Variants in CTNND1 observed in about 807,000 individuals in gnomAD.
CTNND1 encodes the protein catenin delta-1.
A neutral mutation model predicts 112.1 loss-of-function variants in CTNND1; 16 were observed. The ratio of observed to expected loss-of-function variants is 0.14; its 90% CI spans 0.10 to 0.22. The LOEUF (loss-of-function observed/expected upper bound fraction) is 0.22, where lower values mean the gene tolerates loss of function less well. Ranked by LOEUF, CTNND1 falls within the 10% of genes least tolerant of loss-of-function variation. The pLI is 1.00. For synonymous variants in CTNND1, 420 were observed against 446.5 expected, an observed-to-expected ratio of 0.94 and a Z score of 0.75; for missense variants, 1,008 against 1,257.0, an observed-to-expected ratio of 0.80 and a Z score of 3.00.
At position 57,801,964 on chromosome 11, in the gene CTNND1, C is replaced by T. The variant is rs780038688; in HGVS notation, c.1188C>T (p.Arg396=). The T allele has an allele frequency of 5.0e-6, 8 of 1,613,912 alleles. No individual in the cohort carries two copies. The highest frequency in any genetic ancestry group is 6.8e-6 in the Non-Finnish European group (8 of 1,179,920). ...AAAYLQHLCY[R]NDKVKTDVRK... The stretch of plus-strand genomic sequence containing the variant: ...CATACCTGCAACACTTATGCTACCG[C>T]AATGACAAGGTGAAGACTGACGTGC... The change falls in exon 7 of 21, where the codon CGC becomes CGT. Residue 396 remains arginine (R), a synonymous_variant. Coordinates refer to ENST00000399050, the MANE Select transcript of CTNND1 (RefSeq NM_001085458.2).
intron 1 of CTNND1, 32 bp downstream of exon 1, chr11:57,762,151 C>A: frequency 1.1e-6 from 1 of 934,400 alleles, no homozygotes; most frequent in Non-Finnish European, 1.3e-6. Flanking sequence ...ACGGGAGAGT[C>A]TGTTATGCTG....
At chr11:57,772,798 C>T (rs920610293) in intron 1 of CTNND1, among the ~76,000 whole-genome samples, 1 of 151,856 alleles carries the variant, frequency 6.6e-6, no homozygotes, top group African/African-American at 2.4e-5. Flanking sequence ...GTCTCGTTCT[C>T]TCTCTCTCTC....
At chr11:57,765,628 G>C (rs1175019174) in intron 1 of CTNND1, among the ~76,000 whole-genome samples, 14 of 151,642 alleles carry the variant, frequency 9.2e-5, no homozygotes, top group Admixed American at 9.2e-4. Context: ...CACTATGCTT[G>C]GCTAATTTTT....
intron 1 of CTNND1, among the ~76,000 whole-genome samples, chr11:57,778,288 CAG>C (rs779890240): frequency 1.3e-5 from 2 of 152,096 alleles, no homozygotes; most frequent in African/African-American, 2.4e-5. Flanking sequence ...AGGCTGAAAA[CAG>C]AGGTGGATGA....
intron 1 of CTNND1, among the ~76,000 whole-genome samples, chr11:57,764,849 G>A (rs1432972888): frequency 6.6e-6 from 1 of 152,172 alleles, no homozygotes; most frequent in African/African-American, 2.4e-5. Flanking sequence ...AGAGGCAGGA[G>A]TGTTTCATCT....
intron 6 of CTNND1, among the ~76,000 whole-genome samples, chr11:57,799,160 A>G (rs1394508131): frequency 1.3e-5 from 2 of 152,200 alleles, no homozygotes; most frequent in Non-Finnish European, 2.9e-5. Flanking sequence ...GGTGTCTTGG[A>G]TAGCTAATCC....
chr11:57,762,093 A>C lies in CTNND1; in HGVS notation c.-240A>C, dbSNP rs1427644860. 11 of 985,448 alleles carry C rather than the reference A, an allele frequency of 1.1e-5. No homozygotes were observed. The East Asian group carries it at 9.1e-4, about 81-fold the overall frequency. 61.0% of individuals were successfully genotyped at this position (985,448 alleles called of 1,614,324 possible). ...TGTATGTACTGACGGGAAAAGGAGG[A>C]TAAGCAAGTCGAATTTTTGTCTTAC... On this transcript the variant is annotated 5_prime_UTR_variant, in exon 1 of 21. Coordinates refer to ENST00000399050, the MANE Select transcript of CTNND1 (RefSeq NM_001085458.2).
At position 57,805,840 on chromosome 11, in the gene CTNND1, A is replaced by G. The variant is rs766311506; in HGVS notation, c.1723-42A>G. Reference sequence around the variant, plus strand: ...AACCTGTACTTGTGGAGAAATCACAATAGACATTCTTTTTTCTCATTGGCC... The same window carrying G: ...AACCTGTACTTGTGGAGAAATCACAGTAGACATTCTTTTTTCTCATTGGCC... On this transcript the variant is annotated intron_variant, in intron 9 of 20. Coordinates refer to ENST00000399050, the MANE Select transcript of CTNND1 (RefSeq NM_001085458.2). 1.3e-5 allele frequency: 21 copies of G among 1,597,162 alleles called. No homozygotes were observed. In the South Asian group the frequency reaches 2.0e-4, roughly 15 times the overall value.
chr11:57,786,905 G>A (rs1443588289), intron 1 of CTNND1, among the ~76,000 whole-genome samples: 2 of 152,284 alleles, frequency 1.3e-5, no homozygotes, highest in East Asian at 3.9e-4. Flanking sequence ...GTAGAGGAGA[G>A]GCTCTGGACC....
At chr11:57,807,425 G>A (rs2062816563) in intron 12 of CTNND1, among the ~76,000 whole-genome samples, 2 of 151,948 alleles carry the variant, frequency 1.3e-5, no homozygotes, top group South Asian at 4.2e-4. Flanking sequence ...GGCCAACATG[G>A]TGAAACCCTG....
intron 1 of CTNND1, among the ~76,000 whole-genome samples, chr11:57,784,601 T>C (rs1028257661): frequency 6.6e-6 from 1 of 152,038 alleles, no homozygotes; most frequent in Non-Finnish European, 1.5e-5. Context: ...TCTCTTGAGT[T>C]CAAGTGATTC....
At chr11:57,807,605 C>CAAAAAAAAAAAAAAAAAAAAAAAAAAAA (rs71470294) in intron 12 of CTNND1, among the ~76,000 whole-genome samples, 1 of 29,226 alleles carries the variant, frequency 3.4e-5, no homozygotes, top group Non-Finnish European at 6.0e-5. Context: ...AACTCCGTCT[C>CAAAAAAAAAAAAAAAAAAAAAAAAAAAA]AAAAAAAAAA....
chr11:57,787,770 T>C (rs1370915773), intron 1 of CTNND1, among the ~76,000 whole-genome samples: 1 of 152,230 alleles, frequency 6.6e-6, no homozygotes, highest in Non-Finnish European at 1.5e-5. Flanking sequence ...GACCTAGGAA[T>C]CTGATCTTTT....
Position 57,775,932 on chromosome 11 carries a change from T to C in CTNND1, c.-213-13105T>C, listed in dbSNP as rs140879326. 2.0e-5 allele frequency among the ~76,000 whole-genome samples: 3 copies of C among 152,346 alleles called. No homozygotes were observed. In the East Asian group the frequency reaches 5.8e-4, roughly 29 times the overall value. On this transcript the variant is annotated intron_variant, in intron 1 of 20. Transcript: ENST00000399050. ...GGAAGCCTAATCTCTCAGACGTTAC[T>C]TTTACATTCAACCTTATATACACCT...
At chr11:57,779,570 A>C (rs2059358825) in intron 1 of CTNND1, among the ~76,000 whole-genome samples, 1 of 152,176 alleles carries the variant, frequency 6.6e-6, no homozygotes, top group African/African-American at 2.4e-5. Context: ...TTGCTAACAT[A>C]CCACTAGAAC....
intron 8 of CTNND1, 98 bp downstream of exon 8, chr11:57,803,902 T>G (rs936991336): frequency 2.1e-6 from 2 of 940,344 alleles, no homozygotes; most frequent in Non-Finnish European, 3.1e-6. Flanking sequence ...AGCCTATTCT[T>G]TAGCCTCCAT....
At chr11:57,815,198 G>T (rs1467729013) in intron 18 of CTNND1, among the ~76,000 whole-genome samples, 196 bp from the exon 19 acceptor site, 1 of 152,160 alleles carries the variant, frequency 6.6e-6, no homozygotes, top group African/African-American at 2.4e-5. Flanking sequence ...AAAGTGCTGG[G>T]ATTACAGGCA....
chr11:57,794,893 A>AC (rs2061191640), intron 4 of CTNND1, among the ~76,000 whole-genome samples: 1 of 151,860 alleles, frequency 6.6e-6, no homozygotes, highest in Admixed American at 6.6e-5. Flanking sequence ...CAAAAAAAAA[A>AC]AAAAAACAAA....
At position 57,791,453 on chromosome 11, in the gene CTNND1, C is replaced by G. The variant is rs777829590; in HGVS notation, c.-26C>G. The G allele has an allele frequency of 8.0e-5, 115 of 1,429,406 alleles. No individual in the cohort carries two copies. Among genetic ancestry groups the G allele is most frequent in the Non-Finnish European group, 1.0e-4 (111 of 1,084,436 alleles). 88.5% of individuals were successfully genotyped at this position (1,429,406 alleles called of 1,614,324 possible). On this transcript the variant is annotated 5_prime_UTR_variant, in exon 3 of 21. Transcript: ENST00000399050. Reference sequence around the variant, plus strand: ...GATTCACCTTCCTTTTTACCCTGCCCTGCGGCGGCTCCGCCCCTTACCTTC... The same window carrying G: ...GATTCACCTTCCTTTTTACCCTGCCGTGCGGCGGCTCCGCCCCTTACCTTC...
Sources: allele counts gnomAD v4.1 joint callset (sites outside exome capture counted in the v4.1 genomes callset), GRCh38; gene constraint gnomAD v4.1.1; transcripts MANE v1.5; gene names NCBI Gene and HGNC (gene_info 2026-07-23, HGNC 2026-07-21).